The following DLEU7 variants were observed in gnomAD, a reference collection of about 807,000 sequenced individuals.
DLEU7 encodes the protein leukemia-associated protein 7.
DLEU7 carries 17 observed loss-of-function variants against 16.0 expected under a neutral mutation model. The observed-to-expected ratio is 1.06, with a 90% CI of 0.73 to 1.59. The LOEUF is 1.59. DLEU7 is among the 40% of genes most tolerant of loss of function. The pLI, the probability that DLEU7 is intolerant of heterozygous loss-of-function variation, is 0.00. For synonymous variants in DLEU7, 113 were observed against 139.8 expected (o/e 0.81, Z 1.35); for missense variants, 308 against 314.9 (o/e 0.98, Z 0.17).
Position 50,784,280 on chromosome 13 carries a change from A to G in DLEU7, c.459+58908T>C, listed in dbSNP as rs186067380. Among the ~76,000 whole-genome samples the G allele has an allele frequency of 5.3e-5, 8 of 152,352 alleles. No homozygotes were observed. In the East Asian group the frequency reaches 1.5e-3, roughly 29 times the overall value. ...TGCTTACTTCAGAACATTGGTCCCT[A>G]CAGACCAGGTATTTTTCACAGCTCC... On this transcript the variant is annotated intron_variant, in intron 1 of 1. Coordinates refer to the DLEU7 transcript ENST00000400393.
rs967364791 is a variant in DLEU7 at position 50,805,081 on chromosome 13, T to A, written c.459+38107A>T. ...ATTGCTTAGGATGTCTAGATCAACGTCTATGAATAGTTGTGGTAGTAGACA... is the reference window on the plus strand; with the variant it reads ...ATTGCTTAGGATGTCTAGATCAACGACTATGAATAGTTGTGGTAGTAGACA... On this transcript the variant is annotated intron_variant, in intron 1 of 1. Transcript: ENST00000400393. Among the ~76,000 whole-genome samples, 4 of 152,310 alleles carry A rather than the reference T, an allele frequency of 2.6e-5. No homozygotes were observed. In the South Asian group the frequency reaches 8.3e-4, roughly 32 times the overall value.
At chr13:50,745,015 T>C (rs1205342661) in intron 1 of DLEU7, among the ~76,000 whole-genome samples, 1 of 152,116 alleles carries the variant, frequency 6.6e-6, no homozygotes, top group African/African-American at 2.4e-5. Flanking sequence ...TGGTGGTTCC[T>C]CAAAAAAGGC....
At chr13:50,740,960 G>T (rs1228134292) in intron 1 of DLEU7, among the ~76,000 whole-genome samples, 1 of 151,930 alleles carries the variant, frequency 6.6e-6, no homozygotes, top group African/African-American at 2.4e-5. Flanking sequence ...TGTTCATCCT[G>T]GGCCCCTCTC....
intron 1 of DLEU7, among the ~76,000 whole-genome samples, chr13:50,773,403 G>GT (rs1257753251): frequency 6.6e-6 from 1 of 152,182 alleles, no homozygotes; most frequent in East Asian, 1.9e-4. Context: ...CATCTTTGTG[G>GT]TTTTATCTAC....
chr13:50,763,911 A>G (rs1875021293), intron 1 of DLEU7, among the ~76,000 whole-genome samples: 1 of 152,222 alleles, frequency 6.6e-6, no homozygotes. Flanking sequence ...TGTCTGTGAA[A>G]ACACCTGATA....
At chr13:50,840,903 C>T (rs9316508) in intron 1 of DLEU7, among the ~76,000 whole-genome samples, 33,439 of 151,826 alleles carry the variant, frequency 0.22, 3,769 homozygotes, top group East Asian at 0.32. Context: ...AAGGTGTGAG[C>T]GGGTTGAGGT....
chr13:50,836,818 A>G (rs776016407), intron 1 of DLEU7, among the ~76,000 whole-genome samples: 1 of 152,220 alleles, frequency 6.6e-6, no homozygotes, highest in Non-Finnish European at 1.5e-5. Context: ...TGCTGGGCCC[A>G]ACAAAAGAAC....
At chr13:50,838,797 A>T (rs1194290944) in intron 1 of DLEU7, among the ~76,000 whole-genome samples, 1 of 152,172 alleles carries the variant, frequency 6.6e-6, no homozygotes, top group Non-Finnish European at 1.5e-5. Context: ...CTTGAATCTG[A>T]TAGGACTGGT....
chr13:50,764,306 C>T (rs1392454046), intron 1 of DLEU7, among the ~76,000 whole-genome samples: 5 of 152,192 alleles, frequency 3.3e-5, no homozygotes, highest in African/African-American at 1.2e-4. Context: ...GTTCAACAGT[C>T]TTGGTTTCCT....
Position 50,806,059 on chromosome 13 carries a change from G to A in DLEU7, c.459+37129C>T, listed in dbSNP as rs561818641. ...GTATCACTTAGAATTGTGCTTTTAT[G>A]ACTTTCTTGAAGCTCAGAATCCACA... On this transcript the variant is annotated intron_variant, in intron 1 of 1. Coordinates refer to the DLEU7 transcript ENST00000400393. Among the ~76,000 whole-genome samples, 7 of 152,200 alleles carry A rather than the reference G, an allele frequency of 4.6e-5. No homozygotes were observed. In the South Asian group the frequency reaches 1.5e-3, roughly 32 times the overall value.
chr13:50,792,124 T>C (rs1054462549), intron 1 of DLEU7, among the ~76,000 whole-genome samples: 1 of 152,228 alleles, frequency 6.6e-6, no homozygotes, highest in Non-Finnish European at 1.5e-5. Context: ...TTTAAATTGA[T>C]AACACTCAGA....
chr13:50,790,067 G>C (rs1875907600), intron 1 of DLEU7, among the ~76,000 whole-genome samples: 1 of 151,844 alleles, frequency 6.6e-6, no homozygotes, highest in Admixed American at 6.6e-5. Flanking sequence ...CAAGTAGCTG[G>C]GATTACAGGC....
intron 1 of DLEU7, among the ~76,000 whole-genome samples, chr13:50,779,534 G>A (rs921315159): frequency 6.6e-6 from 1 of 152,102 alleles, no homozygotes; most frequent in South Asian, 2.1e-4. Context: ...TATCACATAC[G>A]ACTGAGCAAC....
At chr13:50,723,806 A>C (rs1160979607) in intron 1 of DLEU7, among the ~76,000 whole-genome samples, 1 of 151,966 alleles carries the variant, frequency 6.6e-6, no homozygotes, top group Non-Finnish European at 1.5e-5. Context: ...GGGGTGCAGT[A>C]TGGTTCAGTC....
chr13:50,842,209 T>C (rs1001058124), intron 1 of DLEU7, among the ~76,000 whole-genome samples: 2 of 152,184 alleles, frequency 1.3e-5, no homozygotes, highest in African/African-American at 4.8e-5. Context: ...TCTTTTACAG[T>C]GTATAGTGCA....
intron 1 of DLEU7, among the ~76,000 whole-genome samples, chr13:50,836,696 A>G (rs1029695684): frequency 6.6e-6 from 1 of 151,580 alleles, no homozygotes; most frequent in African/African-American, 2.4e-5. Flanking sequence ...AAAGGAAAGA[A>G]AAAAAGAAAG....
At chr13:50,823,635 T>C in intron 1 of DLEU7, 115 bp from the exon 2 acceptor site, 2 of 1,296,640 alleles carry the variant, frequency 1.5e-6, no homozygotes, top group Non-Finnish European at 2.1e-6. Context: ...CTCTGGTTTT[T>C]TTTTTTCTTG....
intron 1 of DLEU7, among the ~76,000 whole-genome samples, chr13:50,772,594 C>T (rs1403833544): frequency 6.6e-6 from 1 of 152,126 alleles, no homozygotes; most frequent in East Asian, 1.9e-4. Flanking sequence ...AATATTGGCC[C>T]CCACTCTCTT....
intron 1 of DLEU7, among the ~76,000 whole-genome samples, chr13:50,804,104 T>C (rs951908242): frequency 2.0e-5 from 3 of 152,142 alleles, no homozygotes; most frequent in Non-Finnish European, 4.4e-5. Flanking sequence ...TTCCCACTAA[T>C]TGAAATGTCA....
Sources: allele counts gnomAD v4.1 joint callset (sites outside exome capture counted in the v4.1 genomes callset), GRCh38; gene constraint gnomAD v4.1.1; transcripts MANE v1.5; gene names NCBI Gene and HGNC (gene_info 2026-07-23, HGNC 2026-07-21).